SORCS2: variants seen among roughly 807,000 people sequenced by gnomAD.
The protein encoded by SORCS2 is sortilin related VPS10 domain containing receptor 2.
Under a neutral mutation model 141.6 loss-of-function variants are expected in SORCS2, and 100 were observed. The observed-to-expected ratio is 0.71, with a 90% CI of 0.60 to 0.83. The LOEUF is 0.83. Ranked by LOEUF, SORCS2 falls within the 40% of genes least tolerant of loss-of-function variation. The pLI, the probability that SORCS2 is intolerant of heterozygous loss-of-function variation, is 0.00. For synonymous variants in SORCS2, 789 were observed against 676.9 expected, an observed-to-expected ratio of 1.17 and a Z score of -2.57; for missense variants, 1,646 against 1,560.2, an observed-to-expected ratio of 1.05 and a Z score of -0.93.
At chr4:7,378,678 T>C (rs1722808711) in intron 1 of SORCS2, among the ~76,000 whole-genome samples, 1 of 152,128 alleles carries the variant, frequency 6.6e-6, no homozygotes, top group Non-Finnish European at 1.5e-5. Context: ...AGCCCAACCA[T>C]AGCAGGTTCC....
chr4:7,416,801 AACAT>A (rs1725720215), intron 2 of SORCS2, among the ~76,000 whole-genome samples: 1 of 126,788 alleles, frequency 7.9e-6, no homozygotes, highest in African/African-American at 3.2e-5. Flanking sequence ...TGCACACACA[AACAT>A]GCATGCATGT....
chr4:7,226,122 A>G (rs1158674695), intron 1 of SORCS2, among the ~76,000 whole-genome samples: 1 of 152,118 alleles, frequency 6.6e-6, no homozygotes, highest in Non-Finnish European at 1.5e-5. Context: ...ATCTCCAGGG[A>G]TGGCTTTCCT....
intron 3 of SORCS2, among the ~76,000 whole-genome samples, chr4:7,543,415 CTATCCATCCATCCGTCCATCCATCCACT>C (rs1712850315): frequency 4.0e-5 from 1 of 24,930 alleles, no homozygotes; most frequent in African/African-American, 6.5e-5. Context: ...ACCCATCCAT[CTATCCATCCATCCGTCCATCCATCCACT>C]CATCCATCCA....
intron 17 of SORCS2, 92 bp from the exon 18 acceptor site, chr4:7,717,920 T>C (rs13149021): frequency 7.3e-7 from 1 of 1,362,350 alleles, no homozygotes; most frequent in South Asian, 1.6e-5. Context: ...AAGTGCCACC[T>C]CTGGGTGGCA....
chr4:7,246,005 C>G (rs1405735584), intron 1 of SORCS2, among the ~76,000 whole-genome samples: 1 of 152,166 alleles, frequency 6.6e-6, no homozygotes, highest in Non-Finnish European at 1.5e-5. Flanking sequence ...TGCATTTTGC[C>G]TTGATGCCTG....
intron 19 of SORCS2, among the ~76,000 whole-genome samples, chr4:7,724,934 A>ATGGTGAGGATGGTGATG (rs1727084607): frequency 5.0e-4 from 44 of 88,096 alleles, no homozygotes; most frequent in East Asian, 1.8e-3. Flanking sequence ...TGGTGGTAGT[A>ATGGTGAGGATGGTGATG]GTGGTGATGG....
At chr4:7,666,176 T>A (rs1006812923) in intron 7 of SORCS2, among the ~76,000 whole-genome samples, 6 of 152,014 alleles carry the variant, frequency 3.9e-5, no homozygotes, top group Admixed American at 3.3e-4. Flanking sequence ...CAGCAGCCCT[T>A]GCTCATCTCA....
chr4:7,247,364 C>G (rs764769975), intron 1 of SORCS2, among the ~76,000 whole-genome samples: 5 of 150,742 alleles, frequency 3.3e-5, no homozygotes, highest in Admixed American at 6.6e-5. Flanking sequence ...AATCCATTAT[C>G]TGGTTTTCAG....
chr4:7,461,718 A>G (rs1729324094), intron 2 of SORCS2, among the ~76,000 whole-genome samples: 1 of 152,180 alleles, frequency 6.6e-6, no homozygotes, highest in Non-Finnish European at 1.5e-5. Flanking sequence ...CTCAGGATAT[A>G]GCCCAGAGGC....
At chr4:7,587,428 C>T (rs1463742064) in intron 3 of SORCS2, among the ~76,000 whole-genome samples, 1 of 152,186 alleles carries the variant, frequency 6.6e-6, no homozygotes, top group Non-Finnish European at 1.5e-5. Flanking sequence ...CCTGGGAATA[C>T]AGTGAGACAG....
intron 4 of SORCS2, among the ~76,000 whole-genome samples, chr4:7,641,718 G>T (rs1411283186): frequency 2.6e-5 from 4 of 151,974 alleles, no homozygotes; most frequent in Non-Finnish European, 5.9e-5. Flanking sequence ...GATGGGTGAG[G>T]AGGGATGGAC....
intron 1 of SORCS2, among the ~76,000 whole-genome samples, chr4:7,349,400 G>A (rs776431635): frequency 2.0e-5 from 3 of 152,220 alleles, no homozygotes; most frequent in African/African-American, 4.8e-5. Flanking sequence ...GCCCCGTGCC[G>A]CTGGAGCACA....
Position 7,729,157 on chromosome 4 carries a change from C to G in SORCS2, c.2983-430C>G, listed in dbSNP as rs553876526. On this transcript the variant is annotated intron_variant, in intron 22 of 26. Coordinates refer to ENST00000507866, the MANE Select transcript of SORCS2 (RefSeq NM_020777.3). ...AGCATATTCTCTGTGGGTGTATGGCCCTGGCTGGGCCTGGGGTGTTAGGGA... is the reference window on the plus strand; with the variant it reads ...AGCATATTCTCTGTGGGTGTATGGCGCTGGCTGGGCCTGGGGTGTTAGGGA... Among the ~76,000 whole-genome samples the G allele has an allele frequency of 3.9e-5, 6 of 152,266 alleles. 1 individual carries two copies. In the South Asian group the frequency reaches 1.2e-3, roughly 32 times the overall value.
At chr4:7,423,860 G>A (rs79552289) in intron 2 of SORCS2, among the ~76,000 whole-genome samples, 5,116 of 152,310 alleles carry the variant, frequency 0.034, 284 homozygotes, top group African/African-American at 0.12. Flanking sequence ...ATGTTGGCCA[G>A]TTTTCATGGT....
intron 1 of SORCS2, among the ~76,000 whole-genome samples, chr4:7,278,647 G>A (rs140477658): frequency 2.6e-5 from 4 of 152,126 alleles, no homozygotes; most frequent in South Asian, 2.1e-4. Context: ...GTCTCTGAGC[G>A]CCCCTAATGT....
intron 1 of SORCS2, among the ~76,000 whole-genome samples, chr4:7,217,493 A>G (rs1225367598): frequency 2.6e-5 from 4 of 152,216 alleles, no homozygotes; most frequent in Admixed American, 2.0e-4. Context: ...CTCGCAGGCT[A>G]CATGCTTTTA....
intron 14 of SORCS2, among the ~76,000 whole-genome samples, chr4:7,711,072 G>A (rs961605069): frequency 2.6e-5 from 4 of 152,190 alleles, no homozygotes; most frequent in African/African-American, 9.7e-5. Context: ...CAGGGAGGCA[G>A]GGTCCCTGGG....
At chr4:7,311,070 C>T (rs1718151904) in intron 1 of SORCS2, among the ~76,000 whole-genome samples, 1 of 152,116 alleles carries the variant, frequency 6.6e-6, no homozygotes, top group South Asian at 2.1e-4. Context: ...CCTCTTGCCC[C>T]TTGATTATCT....
intron 2 of SORCS2, chr4:7,434,814 G>T (rs1403329517): frequency 3.1e-6 from 5 of 1,605,426 alleles, no homozygotes; most frequent in Non-Finnish European, 4.2e-6. Flanking sequence ...ACTCCTGGGG[G>T]CCTGAGGTGG....
Sources: gnomAD v4.1 joint callset for allele counts (sites outside exome capture counted in the v4.1 genomes callset) on GRCh38, gnomAD v4.1.1 for gene constraint, MANE v1.5 for transcripts, NCBI Gene and HGNC (gene_info 2026-07-23, HGNC 2026-07-21) for gene names.